Variants in NR1H4 observed in about 807,000 individuals in gnomAD.
The protein encoded by NR1H4 is nuclear receptor subfamily 1 group H member 4.
NR1H4 carries 23 observed loss-of-function variants against 58.5 expected under a neutral mutation model. The ratio of observed to expected loss-of-function variants is 0.39; its 90% CI spans 0.28 to 0.56. The LOEUF (loss-of-function observed/expected upper bound fraction) is 0.56, where lower values mean the gene tolerates loss of function less well. Ranked by LOEUF, NR1H4 falls within the 20% of genes least tolerant of loss-of-function variation. NR1H4 has a pLI of 0.58. For synonymous variants in NR1H4, 214 were observed against 198.0 expected (o/e 1.08, Z -0.68); for missense variants, 487 against 576.9 (o/e 0.84, Z 1.60).
intron 1 of NR1H4, among the ~76,000 whole-genome samples, chr12:100,486,298 A>G (rs1953490552): frequency 6.6e-6 from 1 of 152,240 alleles, no homozygotes; most frequent in South Asian, 2.1e-4. Flanking sequence ...AATATGAAAT[A>G]AATATAAGCA....
intron 4 of NR1H4, among the ~76,000 whole-genome samples, chr12:100,522,084 A>G (rs1050451314): frequency 6.7e-6 from 1 of 148,282 alleles, no homozygotes. Context: ...GATAAGGACA[A>G]CAATGAAGAT....
chr12:100,491,291 T>G (rs1415779632), intron 1 of NR1H4, among the ~76,000 whole-genome samples: 3 of 152,018 alleles, frequency 2.0e-5, no homozygotes, highest in East Asian at 3.9e-4. Flanking sequence ...TCATGATTCC[T>G]CTGCTGGGCA....
intron 7 of NR1H4, 51 bp downstream of exon 7, chr12:100,536,661 G>A: frequency 9.8e-7 from 1 of 1,017,436 alleles, no homozygotes; most frequent in South Asian, 1.3e-5. Flanking sequence ...ATTTTCTGGA[G>A]TTTTTATTGC....
chr12:100,518,979 G>A (rs530656752), intron 4 of NR1H4, among the ~76,000 whole-genome samples: 4 of 151,786 alleles, frequency 2.6e-5, no homozygotes, highest in Admixed American at 6.6e-5. Context: ...GTAGAGACGG[G>A]GTTTCACCAT....
rs1289242845 is a variant in NR1H4 at position 100,561,438 on chromosome 12, C to T, written c.1079-447C>T. Among the ~76,000 whole-genome samples, 3 of 152,148 alleles carry T rather than the reference C, an allele frequency of 2.0e-5. No individual in the cohort carries two copies. In the East Asian group the frequency reaches 5.8e-4, roughly 29 times the overall value. ...AATAAATAAATAAAGAACCCTGGCC[C>T]ATTTAGAAATGAAGCTGTCTATACT... On this transcript the variant is annotated intron_variant, in intron 9 of 10. Coordinates refer to ENST00000392986, the MANE Select transcript of NR1H4 (RefSeq NM_001206979.2).
intron 1 of NR1H4, among the ~76,000 whole-genome samples, chr12:100,476,192 T>A (rs547416601): frequency 6.8e-4 from 103 of 152,210 alleles, no homozygotes; most frequent in Non-Finnish European, 1.3e-3. Flanking sequence ...TGATATTGGC[T>A]ATTGGCGGAG....
intron 5 of NR1H4, among the ~76,000 whole-genome samples, chr12:100,533,970 C>T (rs966833999): frequency 6.6e-6 from 1 of 151,376 alleles, no homozygotes; most frequent in Admixed American, 6.6e-5. Context: ...AATCTCGGCT[C>T]ACTGCAAGCT....
At chr12:100,490,495 C>A (rs968049502) in intron 1 of NR1H4, among the ~76,000 whole-genome samples, 3 of 152,012 alleles carry the variant, frequency 2.0e-5, no homozygotes, top group Non-Finnish European at 4.4e-5. Flanking sequence ...ACTTTCTGAC[C>A]GTTCACATTG....
intron 1 of NR1H4, among the ~76,000 whole-genome samples, chr12:100,475,201 G>A (rs1000136771): frequency 1.3e-5 from 2 of 151,120 alleles, no homozygotes; most frequent in South Asian, 2.1e-4. Context: ...GGAGAAGAGA[G>A]GAAAAGATGT....
intron 1 of NR1H4, among the ~76,000 whole-genome samples, chr12:100,475,412 G>A (rs1953247887): frequency 6.6e-6 from 1 of 152,126 alleles, no homozygotes; most frequent in Admixed American, 6.5e-5. Context: ...CAGGGACAAA[G>A]CTCTCTTGTC....
intron 4 of NR1H4, among the ~76,000 whole-genome samples, chr12:100,532,198 T>C (rs1384825496): frequency 9.2e-5 from 14 of 152,220 alleles, no homozygotes; most frequent in Admixed American, 9.2e-4. Context: ...AAGTAATTTG[T>C]CTTAGAAAAC....
In NR1H4 at chr12:100,535,033, T is replaced by C. The variant is rs1334063627; in HGVS notation, c.732+10T>C. On this transcript the variant is annotated intron_variant, in intron 6 of 10. Transcript: ENST00000392986. Reference sequence around the variant, plus strand: ...AACAAAGTCATGCAGGGTAATAATATGCAATGGTGTCTGCCAAGACTGGCA... The same window carrying C: ...AACAAAGTCATGCAGGGTAATAATACGCAATGGTGTCTGCCAAGACTGGCA... 4 of 1,614,000 alleles carry C rather than the reference T, an allele frequency of 2.5e-6. No homozygotes were observed. Among genetic ancestry groups the C allele is most frequent in the Admixed American group, 3.3e-5 (2 of 59,998 alleles).
chr12:100,524,679 A>G (rs906919557), intron 4 of NR1H4, among the ~76,000 whole-genome samples: 3 of 152,204 alleles, frequency 2.0e-5, no homozygotes, highest in Non-Finnish European at 4.4e-5. Context: ...TAAGAAGGGC[A>G]TATCATTAGA....
chr12:100,476,245 G>T (rs571080735), intron 1 of NR1H4, among the ~76,000 whole-genome samples: 2 of 152,112 alleles, frequency 1.3e-5, no homozygotes, highest in East Asian at 1.9e-4. Context: ...GAGCGGCGAG[G>T]GGGGACCAGC....
At chr12:100,483,949 A>G (rs1953435448) in intron 1 of NR1H4, among the ~76,000 whole-genome samples, 1 of 143,906 alleles carries the variant, frequency 6.9e-6, no homozygotes, top group Non-Finnish European at 1.5e-5. Context: ...GTGCCACTGC[A>G]CTCCGACCTG....
chr12:100,534,753 A>G, intron 5 of NR1H4, 137 bp from the exon 6 acceptor site: 3 of 958,738 alleles, frequency 3.1e-6, no homozygotes, highest in Non-Finnish European at 4.9e-6. Flanking sequence ...CCTTTCTAAA[A>G]TGCATAAAAG....
At chr12:100,560,268 C>G (rs898047076) in intron 9 of NR1H4, among the ~76,000 whole-genome samples, 13 of 152,216 alleles carry the variant, frequency 8.5e-5, no homozygotes, top group Non-Finnish European at 1.8e-4. Flanking sequence ...AGAATAAAAG[C>G]AGGCTGCCCG....
At chr12:100,479,458 G>A (rs1953334012) in intron 1 of NR1H4, among the ~76,000 whole-genome samples, 1 of 152,154 alleles carries the variant, frequency 6.6e-6, no homozygotes, top group African/African-American at 2.4e-5. Flanking sequence ...TTCTTCCACT[G>A]ATTTGAGCTG....
At chr12:100,520,196 A>T (rs1954378667) in intron 4 of NR1H4, among the ~76,000 whole-genome samples, 1 of 152,142 alleles carries the variant, frequency 6.6e-6, no homozygotes, top group Admixed American at 6.6e-5. Flanking sequence ...TGCAAAGCGA[A>T]TTATACTCTG....
Sources: gnomAD v4.1 joint callset for allele counts (sites outside exome capture counted in the v4.1 genomes callset) on GRCh38, gnomAD v4.1.1 for gene constraint, MANE v1.5 for transcripts, NCBI Gene and HGNC (gene_info 2026-07-23, HGNC 2026-07-21) for gene names.